FAM83E: variants seen among roughly 807,000 people sequenced by gnomAD.
The protein encoded by FAM83E is scaffolding CK1 anchoring protein E.
In FAM83E, 29 loss-of-function variants were observed where a neutral mutation model predicts 34.3. The ratio of observed to expected loss-of-function variants is 0.85; its 90% confidence interval spans 0.63 to 1.15. The LOEUF (loss-of-function observed/expected upper bound fraction) is 1.15. FAM83E is among the 50% of genes most tolerant of loss of function. FAM83E has a pLI of 0.00. For synonymous variants in FAM83E, 312 were observed against 311.6 expected (o/e 1.00, Z -0.01); for missense variants, 697 against 685.0 (o/e 1.02, Z -0.20).
chr19:48,599,987 G>A lies in FAM83E; in HGVS notation c.*1122C>T, dbSNP rs1009449629. Reference sequence around the variant, plus strand: ...TTTTGGCATAAAGTGGTTTTATTCCGAGCAGAGGTAAACGGGAGCTCCGGC... The same window carrying A: ...TTTTGGCATAAAGTGGTTTTATTCCAAGCAGAGGTAAACGGGAGCTCCGGC... On this transcript the variant is annotated 3_prime_UTR_variant, in exon 7 of 7. Coordinates refer to ENST00000263266, the MANE Select transcript of FAM83E (RefSeq NM_017708.4). This position sits in a 1 kb window ranked among gnomAD's most constrained non-coding sequence, Gnocchi z 4.1. Among the ~76,000 whole-genome samples the A allele has an allele frequency of 2.0e-5, 3 of 152,108 alleles. No individual in the cohort carries two copies. The highest frequency in any genetic ancestry group is 4.4e-5 in the Non-Finnish European group (3 of 68,028).
At chr19:48,614,864 T>C in intron 1 of FAM83E, 25 bp from the exon 2 acceptor site, 4 of 929,556 alleles carry the variant, frequency 4.3e-6, no homozygotes, top group Non-Finnish European at 3.9e-6. Context: ...GCCCGGCCCC[T>C]TGTGTAAACA....
intron 3 of FAM83E, 118 bp from the exon 4 acceptor site, chr19:48,610,965 G>C: frequency 9.4e-7 from 1 of 1,065,050 alleles, no homozygotes; most frequent in Non-Finnish European, 1.4e-6. Context: ...GGGGCTGGGA[G>C]TTTAAAGTTC....
chr19:48,610,571 C>A, intron 4 of FAM83E, 109 bp downstream of exon 4: 1 of 1,298,106 alleles, frequency 7.7e-7, no homozygotes, highest in South Asian at 1.5e-5. Context: ...AGGGGACCAT[C>A]CCTGCTAGCA....
At chr19:48,601,989 A>G (rs923981324) in intron 6 of FAM83E, among the ~76,000 whole-genome samples, 1 of 151,446 alleles carries the variant, frequency 6.6e-6, no homozygotes, top group African/African-American at 2.4e-5. Context: ...AAAAAATACA[A>G]AAATTAGCCA....
At chr19:48,604,322 ATTTTTT>A (rs913336534) in intron 5 of FAM83E, among the ~76,000 whole-genome samples, 2 of 97,922 alleles carry the variant, frequency 2.0e-5, no homozygotes, top group South Asian at 3.5e-4. Flanking sequence ...TGACCCTGGG[ATTTTTT>A]TTTTTTTTTT....
intron 3 of FAM83E, among the ~76,000 whole-genome samples, chr19:48,612,080 G>A (rs553948465): frequency 2.6e-5 from 4 of 152,324 alleles, no homozygotes; most frequent in South Asian, 2.1e-4. Context: ...CCACTTACAG[G>A]GAAGAGATTT....
intron 6 of FAM83E, among the ~76,000 whole-genome samples, chr19:48,602,156 A>AG (rs1487775730): frequency 6.8e-6 from 1 of 146,840 alleles, no homozygotes; most frequent in Non-Finnish European, 1.5e-5. Flanking sequence ...AAAAAAAAAA[A>AG]AAAAAAAAAT....
rs1974098034 is a variant in FAM83E, at chr19:48,614,002, T to C, written c.-630A>G. ...CCGACTGACAGTCACAGTATCTGCC[T>C]GTTGGAGCATCTGTCTCTGGCCAAA... is the stretch of plus-strand genomic sequence containing the variant. On this transcript the variant is annotated 5_prime_UTR_variant, in exon 3 of 7. Transcript: ENST00000263266. 4 of 985,416 alleles carry C rather than the reference T, an allele frequency of 4.1e-6. No individual in the cohort carries two copies. The highest frequency in any genetic ancestry group is 4.8e-6 in the Non-Finnish European group (4 of 829,940). 61.0% of individuals were successfully genotyped at this position (985,416 alleles called of 1,614,324 possible).
In FAM83E at chr19:48,600,045, C is replaced by T. The variant is rs994740393; in HGVS notation, c.*1064G>A. On this transcript the variant is annotated 3_prime_UTR_variant, in exon 7 of 7. Coordinates refer to ENST00000263266, the MANE Select transcript of FAM83E (RefSeq NM_017708.4). ...CCCTCTCAGCGCCCACAGAAAGTCC[C>T]ACCACCCACCCTGTTCCCCTGTGGC... 2.0e-5 allele frequency among the ~76,000 whole-genome samples: 3 copies of T among 152,200 alleles called. No individual in the cohort carries two copies. The highest frequency in any genetic ancestry group is 7.2e-5 in the African/African-American group (3 of 41,440).
chr19:48,611,798 G>A (rs1045935893), intron 3 of FAM83E, among the ~76,000 whole-genome samples: 26 of 152,272 alleles, frequency 1.7e-4, no homozygotes, highest in Middle Eastern at 3.4e-3. Context: ...ACAGAACAGC[G>A]TCCCCTGAGC....
Position 48,613,099 on chromosome 19 carries a change from C to A in FAM83E, c.274G>T (p.Asp92Tyr), listed in dbSNP as rs779923726. 1 of 1,610,216 alleles carries A rather than the reference C, an allele frequency of 6.2e-7. No homozygotes were observed. The highest frequency in any genetic ancestry group is 1.1e-5 in the South Asian group (1 of 90,748). ...TAGCTCAGGCTGCCCGCGTCCACAT[C>A]GGTGGTGGTGGCTCCCTCTGCCATC... ...SGMAEGATTT[D>Y]VDAGSLSYWP... The change falls in exon 3 of 7, where the codon GAT becomes TAT. Residue 92 changes from aspartate (D) to tyrosine (Y), a missense_variant. Coordinates refer to ENST00000263266, the MANE Select transcript of FAM83E (RefSeq NM_017708.4).
At position 48,613,657 on chromosome 19, in the gene FAM83E, C is replaced by G. The variant is rs908299820; in HGVS notation, c.-285G>C. 6.2e-6 allele frequency: 8 copies of G among 1,290,976 alleles called. No homozygotes were observed. Among genetic ancestry groups the G allele is most frequent in the Non-Finnish European group, 7.9e-6 (8 of 1,016,780 alleles). 80.0% of individuals were successfully genotyped at this position (1,290,976 alleles called of 1,614,324 possible). On this transcript the variant is annotated 5_prime_UTR_variant, in exon 3 of 7. Coordinates refer to ENST00000263266, the MANE Select transcript of FAM83E (RefSeq NM_017708.4). ...GTGGCACCATGCCTGGCTGGCCTTCCGTGACCTTCCTGCCAGCCGTCTCTG... is the reference window on the plus strand; with the variant it reads ...GTGGCACCATGCCTGGCTGGCCTTCGGTGACCTTCCTGCCAGCCGTCTCTG...
rs1187774334 is a variant in FAM83E, at chr19:48,610,696, T to C, written c.617A>G (p.Asn206Ser). The C allele has an allele frequency of 1.9e-6, 3 of 1,571,358 alleles. No homozygotes were observed. The South Asian group carries it at 3.5e-5, about 18-fold the overall frequency. ...FLELAQQLGV[N>S]PWNTENVDVR... ...GGCCCCTACCTCCGTGTTCCAGGGG[T>C]TCACCCCCAGCTGCTGGGCCAGTTC... Residue 206 changes from asparagine to serine, a missense_variant, in exon 4 of 7, where the codon AAC (asparagine) becomes AGC (serine). Asn to Ser is a conservative substitution (Grantham distance 46). Coordinates refer to ENST00000263266, the MANE Select transcript of FAM83E (RefSeq NM_017708.4).
chr19:48,613,480 A>G lies in FAM83E; in HGVS notation c.-108T>C, dbSNP rs751482889. 1.5e-5 allele frequency: 21 copies of G among 1,431,886 alleles called. No individual in the cohort carries two copies. The African/African-American group carries it at 2.9e-4, about 20-fold the overall frequency. 88.7% of individuals were successfully genotyped at this position (1,431,886 alleles called of 1,614,324 possible). On this transcript the variant is annotated 5_prime_UTR_variant, in exon 3 of 7. It removes the in-frame stop codon of an upstream open reading frame in the 5' UTR. Coordinates refer to ENST00000263266, the MANE Select transcript of FAM83E (RefSeq NM_017708.4). ...GGGGTTCTCCTGATAGGCAGACCCT[A>G]CGTGGCCATCCGAGGCCTCCGGCGG... is the stretch of plus-strand genomic sequence containing the variant.
At position 48,612,896 on chromosome 19, in the gene FAM83E, C is replaced by G. The variant is rs1390157555; in HGVS notation, c.465+12G>C. On this transcript the variant is annotated intron_variant, in intron 3 of 6. Coordinates refer to ENST00000263266, the MANE Select transcript of FAM83E (RefSeq NM_017708.4). ...GTCTGGTGAATGGACACAGGGCCCC[C>G]GCGACACCCACCTTGTGGGCAGCCT... The G allele has an allele frequency of 1.3e-6, 2 of 1,520,936 alleles. No individual in the cohort carries two copies. Among genetic ancestry groups the G allele is most frequent in the East Asian group, 4.9e-5 (2 of 40,760 alleles). 94.2% of individuals were successfully genotyped at this position (1,520,936 alleles called of 1,614,324 possible).
intron 6 of FAM83E, 90 bp from the exon 7 acceptor site, chr19:48,601,459 A>C: frequency 6.6e-7 from 1 of 1,503,908 alleles, no homozygotes; most frequent in Non-Finnish European, 8.9e-7. Context: ...GTGAGGCAAG[A>C]GAGAAGCAGC....
At position 48,603,496 on chromosome 19, in the gene FAM83E, CGTT is replaced by C. The variant is rs1973866628; in HGVS notation, c.1171_1173del (p.Asn391del). The C allele has an allele frequency of 6.4e-7, 1 of 1,564,892 alleles. No homozygotes were observed. Among genetic ancestry groups the C allele is most frequent in the South Asian group, 1.1e-5 (1 of 88,834 alleles). On this transcript the variant is annotated inframe_deletion, in exon 6 of 7. Coordinates refer to ENST00000263266, the MANE Select transcript of FAM83E (RefSeq NM_017708.4). ...TGGCACCAGCCACAAGGTCTCACCT[CGTT>C]GTCCCCATCACTGGAGCCAGACAGC...
rs1406887031 is a variant in FAM83E at position 48,613,417 on chromosome 19, C to T, written c.-45G>A. On this transcript the variant is annotated 5_prime_UTR_variant, in exon 3 of 7. Transcript: ENST00000263266. ...GGACTGACTGTGAGAGGCTGGGTCC[C>T]CGGGGGTCTGGCTGTCTCTGGGGAC... 1 of 1,472,798 alleles carries T rather than the reference C, an allele frequency of 6.8e-7. No individual in the cohort carries two copies. The highest frequency in any genetic ancestry group is 2.3e-5 in the Admixed American group (1 of 43,234). 91.2% of individuals were successfully genotyped at this position (1,472,798 alleles called of 1,614,324 possible).
intron 6 of FAM83E, 46 bp from the exon 7 acceptor site, chr19:48,601,415 C>T (rs577892796): frequency 1.3e-6 from 2 of 1,543,566 alleles, no homozygotes; most frequent in Non-Finnish European, 1.7e-6. Context: ...GGGGTGGGGC[C>T]CTGGGGGCAT....
Sources: gnomAD v4.1 joint callset for allele counts (sites outside exome capture counted in the v4.1 genomes callset) on GRCh38, gnomAD v4.1.1 for gene constraint, Gnocchi (gnomAD v3.1) non-coding constraint, MANE v1.5 for transcripts, NCBI Gene and HGNC (gene_info 2026-07-23, HGNC 2026-07-21) for gene names.